SUMF1: variants seen among roughly 807,000 people sequenced by gnomAD.
The protein encoded by SUMF1 is formylglycine-generating enzyme.
In SUMF1, 48 loss-of-function variants were observed where a neutral mutation model predicts 47.6. The observed-to-expected ratio is 1.01, with a 90% CI of 0.80 to 1.28. The LOEUF is 1.28. Ranked by LOEUF, SUMF1 falls within the 50% of genes most tolerant of loss-of-function variation. The pLI is 0.00. For synonymous variants in SUMF1, 230 were observed against 192.1 expected, an observed-to-expected ratio of 1.20 and a Z score of -1.63; for missense variants, 571 against 485.4, an observed-to-expected ratio of 1.18 and a Z score of -1.66.
At chr3:4,075,040 A>G (rs1692389493) in intron 8 of SUMF1, among the ~76,000 whole-genome samples, 1 of 152,020 alleles carries the variant, frequency 6.6e-6, no homozygotes, top group Non-Finnish European at 1.5e-5. Context: ...AGACACAACA[A>G]AAAAAAGGGA....
chr3:4,298,124 T>G (rs1697890845), intron 8 of SUMF1, among the ~76,000 whole-genome samples: 1 of 152,228 alleles, frequency 6.6e-6, no homozygotes, highest in Non-Finnish European at 1.5e-5. Context: ...CAATGCAATA[T>G]TCAGTTCCAA....
chr3:4,436,349 A>G (rs1385668845), intron 3 of SUMF1, among the ~76,000 whole-genome samples: 3 of 152,190 alleles, frequency 2.0e-5, no homozygotes, highest in African/African-American at 7.2e-5. Flanking sequence ...TGTAATCCTT[A>G]GAGCTACCAC....
chr3:4,061,547 C>T (rs1395018272), intron 9 of SUMF1, among the ~76,000 whole-genome samples: 1 of 152,136 alleles, frequency 6.6e-6, no homozygotes, highest in Non-Finnish European at 1.5e-5. Context: ...CTCCCATCTC[C>T]TCAGCTGCAG....
At chr3:4,047,933 C>T (rs116022031) in intron 9 of SUMF1, among the ~76,000 whole-genome samples, 2,018 of 152,156 alleles carry the variant, frequency 0.013, 45 homozygotes, top group African/African-American at 0.046. Context: ...ATCTTTACCT[C>T]GATCCTATGG....
intron 8 of SUMF1, among the ~76,000 whole-genome samples, chr3:4,278,729 G>A (rs944991899): frequency 1.7e-4 from 26 of 152,144 alleles, no homozygotes; most frequent in African/African-American, 6.0e-4. Flanking sequence ...ATCGATGGCA[G>A]TGAGTCTTGA....
At chr3:4,206,828 T>C (rs1695663573) in intron 8 of SUMF1, among the ~76,000 whole-genome samples, 1 of 152,132 alleles carries the variant, frequency 6.6e-6, no homozygotes, top group Non-Finnish European at 1.5e-5. Flanking sequence ...TTAAATTTTG[T>C]TTATTCTAGG....
chr3:4,171,096 T>C (rs1452931970), intron 8 of SUMF1, among the ~76,000 whole-genome samples: 2 of 152,226 alleles, frequency 1.3e-5, no homozygotes, highest in Non-Finnish European at 2.9e-5. Context: ...TAAAAAGAAT[T>C]ATTCGATGCC....
intron 8 of SUMF1, among the ~76,000 whole-genome samples, chr3:4,350,981 T>A (rs569656692): frequency 9.9e-5 from 15 of 150,800 alleles, no homozygotes; most frequent in Non-Finnish European, 2.1e-4. Flanking sequence ...AAACCCAAAC[T>A]GGCCACTAGA....
chr3:4,228,096 G>C (rs775834503), intron 8 of SUMF1, among the ~76,000 whole-genome samples: 1 of 152,080 alleles, frequency 6.6e-6, no homozygotes, highest in African/African-American at 2.4e-5. Flanking sequence ...GACCAGTGTG[G>C]TGGGAGAGGA....
chr3:4,405,523 A>G (rs947343667), intron 7 of SUMF1, among the ~76,000 whole-genome samples: 1 of 152,158 alleles, frequency 6.6e-6, no homozygotes, highest in Admixed American at 6.5e-5. Context: ...GGTAGCTGGG[A>G]CTACAGGCAT....
intron 8 of SUMF1, chr3:4,316,530 T>C (rs1390553840): frequency 1.3e-6 from 2 of 1,570,374 alleles, no homozygotes; most frequent in Non-Finnish European, 8.6e-7. Context: ...CGTTCGACAT[T>C]TGAAGCAAAT....
intron 8 of SUMF1, among the ~76,000 whole-genome samples, chr3:4,200,743 C>G (rs1011819603): frequency 4.6e-5 from 7 of 152,202 alleles, no homozygotes; most frequent in African/African-American, 1.7e-4. Flanking sequence ...TCCATACTAT[C>G]CATACAGGAT....
intron 8 of SUMF1, among the ~76,000 whole-genome samples, chr3:4,165,862 T>TCC (rs3048242): frequency 1.4e-4 from 20 of 139,296 alleles, no homozygotes; most frequent in Non-Finnish European, 2.6e-4. Flanking sequence ...TTTGTTTGTT[T>TCC]CCCCCCCCCC....
chr3:4,445,637 G>C (rs1471992645), intron 3 of SUMF1, among the ~76,000 whole-genome samples: 3 of 152,124 alleles, frequency 2.0e-5, no homozygotes, highest in Non-Finnish European at 4.4e-5. Flanking sequence ...GAGCCACCAT[G>C]CCTGGCCATA....
intron 1 of SUMF1, 24 bp from the exon 2 acceptor site, chr3:4,453,073 G>A: frequency 6.2e-7 from 1 of 1,604,046 alleles, no homozygotes; most frequent in Non-Finnish European, 8.5e-7. Context: ...TGAAACACAG[G>A]AAGTCATGCA....
chr3:4,385,362 T>C (rs1442663135), intron 7 of SUMF1, among the ~76,000 whole-genome samples: 1 of 152,178 alleles, frequency 6.6e-6, no homozygotes, highest in Non-Finnish European at 1.5e-5. Context: ...TTTTAATTTG[T>C]ATTTCTCCAG....
chr3:4,276,884 A>G (rs576721178), intron 8 of SUMF1, among the ~76,000 whole-genome samples: 54 of 152,206 alleles, frequency 3.5e-4, no homozygotes, highest in Admixed American at 2.6e-4. Context: ...CCTTGACAAA[A>G]TAAGTATATA....
chr3:4,167,460 G>A (rs1003209766), intron 8 of SUMF1, among the ~76,000 whole-genome samples: 2 of 152,098 alleles, frequency 1.3e-5, no homozygotes, highest in African/African-American at 4.8e-5. Flanking sequence ...ATTTTACAGG[G>A]TGCTGATTGG....
intron 1 of SUMF1, among the ~76,000 whole-genome samples, chr3:4,460,381 T>C (rs1275640927): frequency 6.6e-6 from 1 of 152,128 alleles, no homozygotes; most frequent in Non-Finnish European, 1.5e-5. Context: ...ACCATACTAC[T>C]TTCCTACTTA....
Sources: allele counts gnomAD v4.1 joint callset (sites outside exome capture counted in the v4.1 genomes callset), GRCh38; gene constraint gnomAD v4.1.1; transcripts MANE v1.5; gene names NCBI Gene and HGNC (gene_info 2026-07-23, HGNC 2026-07-21).